TSPAN9: variants seen among roughly 807,000 people sequenced by gnomAD.
TSPAN9 encodes the protein tetraspanin-9.
TSPAN9 carries 16 observed loss-of-function variants against 31.0 expected under a neutral mutation model. That is an observed-to-expected ratio of 0.52 (90% confidence interval 0.35 to 0.78). The LOEUF is 0.78. Ranked by LOEUF, TSPAN9 falls within the 30% of genes least tolerant of loss-of-function variation. The probability of loss-of-function intolerance (pLI) is 0.01; values close to 1 mark genes in which losing one functional copy is unlikely to be tolerated. For synonymous variants in TSPAN9, 145 were observed against 121.6 expected (o/e 1.19, Z -1.27); for missense variants, 272 against 312.5 (o/e 0.87, Z 0.98).
chr12:3,166,457 G>A (rs996992276), intron 2 of TSPAN9, among the ~76,000 whole-genome samples: 1 of 152,110 alleles, frequency 6.6e-6, no homozygotes. Flanking sequence ...TCATTTTAGA[G>A]ATGAAAAAAG....
At chr12:3,114,720 A>C (rs577574737) in intron 2 of TSPAN9, among the ~76,000 whole-genome samples, 1 of 151,892 alleles carries the variant, frequency 6.6e-6, no homozygotes, top group Non-Finnish European at 1.5e-5. Flanking sequence ...GTGGGTGCCT[A>C]TAAGCCCAGC....
rs555281067 is a variant in TSPAN9, at chr12:3,138,515, G to A, written c.-18+54796G>A. On this transcript the variant is annotated intron_variant, in intron 2 of 8. Transcript: ENST00000011898. The stretch of plus-strand genomic sequence containing the variant: ...GCCTCGTGCTGTCACCCAGGCAGGA[G>A]TGCAGTGGGGTAGTCATGTGCAGCC... Among the ~76,000 whole-genome samples, 3 of 151,952 alleles carry A rather than the reference G, an allele frequency of 2.0e-5. No individual in the cohort carries two copies. In the South Asian group the frequency reaches 6.2e-4, roughly 32 times the overall value.
intron 2 of TSPAN9, 26 bp downstream of exon 2, chr12:3,083,745 G>C (rs895427140): frequency 1.3e-5 from 2 of 152,234 alleles, no homozygotes; most frequent in East Asian, 1.9e-4. Flanking sequence ...GGTCCATTGT[G>C]GGGTAGGGCC....
chr12:3,123,803 A>G (rs2098326196), intron 2 of TSPAN9, among the ~76,000 whole-genome samples: 1 of 152,158 alleles, frequency 6.6e-6, no homozygotes. Context: ...GAGCTTGCCC[A>G]AGGTCTCAGA....
At chr12:3,095,929 G>A (rs949477933) in intron 2 of TSPAN9, among the ~76,000 whole-genome samples, 31 of 149,818 alleles carry the variant, frequency 2.1e-4, no homozygotes, top group Non-Finnish European at 2.4e-4. Flanking sequence ...CTTCCCAGAC[G>A]GGGTGGCGGC....
rs555036084 is a variant in TSPAN9 at position 3,192,616 on chromosome 12, ACAGC to A, written c.-17-8557_-17-8554del. Among the ~76,000 whole-genome samples, 55 of 152,202 alleles carry A rather than the reference ACAGC, an allele frequency of 3.6e-4. No individual in the cohort carries two copies. Among genetic ancestry groups the A allele is most frequent in the Non-Finnish European group, 6.8e-4 (46 of 67,998 alleles). ...AGTCCCTCCTGGAGCTGTCTGGGAG[ACAGC>A]CAGGGGGATGACAAGCAGGAGTTGG... On this transcript the variant is annotated intron_variant, in intron 2 of 8. Transcript: ENST00000011898. This position sits in a 1 kb window ranked among gnomAD's most constrained non-coding sequence, Gnocchi z 4.6.
At chr12:3,256,191 G>A (rs1200378959) in intron 3 of TSPAN9, among the ~76,000 whole-genome samples, 2 of 152,214 alleles carry the variant, frequency 1.3e-5, no homozygotes, top group African/African-American at 4.8e-5. Context: ...CTGTGGGGGC[G>A]GGGTCCCGAG....
chr12:3,226,746 A>G (rs11062583), intron 3 of TSPAN9, among the ~76,000 whole-genome samples: 6 of 1,810 alleles, frequency 3.3e-3, no homozygotes, highest in South Asian at 0.038. Context: ...GTGTGTGTGT[A>G]TATATATATA....
At chr12:3,096,291 C>T (rs1447513854) in intron 2 of TSPAN9, among the ~76,000 whole-genome samples, 1 of 152,204 alleles carries the variant, frequency 6.6e-6, no homozygotes, top group Non-Finnish European at 1.5e-5. Flanking sequence ...CCACCTCTAC[C>T]TCCCGATTCC....
At chr12:3,126,268 A>C (rs1481465128) in intron 2 of TSPAN9, among the ~76,000 whole-genome samples, 1 of 152,226 alleles carries the variant, frequency 6.6e-6, no homozygotes, top group East Asian at 1.9e-4. Context: ...GTTCTGGGAA[A>C]TGCACTGTTA....
intron 3 of TSPAN9, among the ~76,000 whole-genome samples, chr12:3,226,935 C>T (rs535490113): frequency 2.0e-5 from 3 of 149,706 alleles, no homozygotes; most frequent in Non-Finnish European, 3.0e-5. Flanking sequence ...CCAAGAAGCC[C>T]GAAGGGTTTC....
rs369065012 is a variant in TSPAN9, at chr12:3,203,128, A to T, written c.63+1872A>T. Reference sequence around the variant, plus strand: ...GACCCTGGGGCTTGTAACCCCACTCAGCTGCGCTCACTCCTCCCCACCCCC... The same window carrying T: ...GACCCTGGGGCTTGTAACCCCACTCTGCTGCGCTCACTCCTCCCCACCCCC... On this transcript the variant is annotated intron_variant, in intron 3 of 8. Transcript: ENST00000011898. 9.9e-5 allele frequency among the ~76,000 whole-genome samples: 15 copies of T among 152,172 alleles called. No individual in the cohort carries two copies. In the East Asian group the frequency reaches 2.3e-3, roughly 24 times the overall value.
intron 2 of TSPAN9, among the ~76,000 whole-genome samples, chr12:3,101,370 C>T (rs1264378849): frequency 6.6e-6 from 1 of 152,096 alleles, no homozygotes; most frequent in Non-Finnish European, 1.5e-5. Flanking sequence ...GGGATTTAAG[C>T]CAAACCCACG....
chr12:3,278,070 T>TA (rs2153980729), intron 3 of TSPAN9, among the ~76,000 whole-genome samples: 1 of 152,346 alleles, frequency 6.6e-6, no homozygotes, highest in Non-Finnish European at 1.5e-5. Flanking sequence ...CTCTTCTCTA[T>TA]CATGCAGAGT....
chr12:3,186,792 T>C (rs2098361661), intron 2 of TSPAN9, among the ~76,000 whole-genome samples: 2 of 152,192 alleles, frequency 1.3e-5, no homozygotes, highest in Admixed American at 1.3e-4. Flanking sequence ...CAGCCTCTGT[T>C]TCTATTCCCC....
rs1362880928 is a variant in TSPAN9 at position 3,168,473 on chromosome 12, C to T, written c.-17-32704C>T. Among the ~76,000 whole-genome samples, 4 of 152,166 alleles carry T rather than the reference C, an allele frequency of 2.6e-5. No individual in the cohort carries two copies. Among genetic ancestry groups the T allele is most frequent in the Non-Finnish European group, 4.4e-5 (3 of 68,022 alleles). On this transcript the variant is annotated intron_variant, in intron 2 of 8. Coordinates refer to ENST00000011898, the MANE Select transcript of TSPAN9 (RefSeq NM_006675.5). This position sits in a 1 kb window ranked among gnomAD's most constrained non-coding sequence, Gnocchi z 4.0. The stretch of plus-strand genomic sequence containing the variant: ...CACACAGGACAGAATGAATTCAGGA[C>T]AGAGTCTAAGAAGAGGCTGCAAGGG...
At chr12:3,108,498 C>T (rs2098315800) in intron 2 of TSPAN9, among the ~76,000 whole-genome samples, 1 of 152,230 alleles carries the variant, frequency 6.6e-6, no homozygotes, top group Non-Finnish European at 1.5e-5. Flanking sequence ...AAAAGTCTCT[C>T]TGTCTCTAGT....
rs373627501 is a variant in TSPAN9 at position 3,158,278 on chromosome 12, T to C, written c.-17-42899T>C. On this transcript the variant is annotated intron_variant, in intron 2 of 8. Transcript: ENST00000011898. ...TGTGGAAGTGGCTGTTCAGTCTGTC[T>C]GCTGCCTGTGGATGGAGCTACCTTT... 3.1e-4 allele frequency among the ~76,000 whole-genome samples: 47 copies of C among 152,328 alleles called. 1 individual carries two copies. Among genetic ancestry groups the C allele is most frequent in the African/African-American group, 1.0e-3 (42 of 41,578 alleles).
At chr12:3,112,164 A>G (rs1487574133) in intron 2 of TSPAN9, among the ~76,000 whole-genome samples, 1 of 143,302 alleles carries the variant, frequency 7.0e-6, no homozygotes, top group African/African-American at 2.6e-5. Flanking sequence ...CTGTGGTATC[A>G]ATTGTAATGT....
Sources: gnomAD v4.1 joint callset for allele counts (sites outside exome capture counted in the v4.1 genomes callset) on GRCh38, gnomAD v4.1.1 for gene constraint, Gnocchi (gnomAD v3.1) non-coding constraint, MANE v1.5 for transcripts, NCBI Gene and HGNC (gene_info 2026-07-23, HGNC 2026-07-21) for gene names.